SBF2: variants seen among roughly 807,000 people sequenced by gnomAD.
SBF2 encodes the protein SET binding factor 2.
A neutral mutation model predicts 225.2 loss-of-function variants in SBF2; 112 were observed. The ratio of observed to expected loss-of-function variants is 0.50; its 90% CI spans 0.43 to 0.58. SBF2 has a LOEUF of 0.58. Among genes scored for constraint, SBF2 ranks in the 20% least tolerant of loss-of-function variants. The pLI is 0.00. For synonymous variants in SBF2, 763 were observed against 773.3 expected, an observed-to-expected ratio of 0.99 and a Z score of 0.22; for missense variants, 1,996 against 2,206.2, an observed-to-expected ratio of 0.90 and a Z score of 1.91.
rs529784905 is a variant in SBF2, at chr11:9,892,960, T to C, written c.1929+2983A>G. Among the ~76,000 whole-genome samples the C allele has an allele frequency of 7.9e-5, 12 of 152,354 alleles. 1 individual carries two copies. Among genetic ancestry groups the C allele is most frequent in the Admixed American group, 7.8e-4 (12 of 15,300 alleles). The stretch of plus-strand genomic sequence containing the variant: ...TGCAGTATTAGACTATTAATATAAG[T>C]TCCTAGGGACCATGTCAATGTTTTA... On this transcript the variant is annotated intron_variant, in intron 17 of 39. Coordinates refer to ENST00000256190, the MANE Select transcript of SBF2 (RefSeq NM_030962.4).
At chr11:10,164,305 C>T (rs953706359) in intron 2 of SBF2, among the ~76,000 whole-genome samples, 8 of 152,126 alleles carry the variant, frequency 5.3e-5, no homozygotes, top group African/African-American at 1.4e-4. Flanking sequence ...AAATATTTTA[C>T]ATTTCCTCAA....
intron 1 of SBF2, among the ~76,000 whole-genome samples, chr11:10,194,390 C>T (rs954259684): frequency 2.6e-5 from 4 of 152,074 alleles, no homozygotes; most frequent in Non-Finnish European, 5.9e-5. Flanking sequence ...TATGCAAATA[C>T]TACACCATTT....
chr11:9,839,208 C>CAA (rs1855933688), intron 26 of SBF2: 1 of 410,016 alleles, frequency 2.4e-6, no homozygotes, highest in Non-Finnish European at 4.6e-6. Context: ...TCCTGTTCTT[C>CAA]AAGTTATCTT....
chr11:10,177,901 A>G (rs907351385), intron 2 of SBF2, among the ~76,000 whole-genome samples: 3 of 150,050 alleles, frequency 2.0e-5, no homozygotes, highest in African/African-American at 7.4e-5. Flanking sequence ...CCTAAGCCAA[A>G]AGAACAAAGC....
intron 16 of SBF2, among the ~76,000 whole-genome samples, chr11:9,908,452 C>G (rs1168043163): frequency 1.3e-5 from 2 of 150,954 alleles, no homozygotes; most frequent in African/African-American, 2.4e-5. Flanking sequence ...GGTGAAACCC[C>G]GTCTCTACTA....
At chr11:10,301,811 G>A (rs2133654723) in intron 1 of SBF2, among the ~76,000 whole-genome samples, 1 of 152,256 alleles carries the variant, frequency 6.6e-6, no homozygotes, top group Middle Eastern at 3.4e-3. Flanking sequence ...CATTCAATTG[G>A]AATGTGAAGA....
chr11:10,267,119 CATTAA>C (rs1962074806), intron 1 of SBF2, among the ~76,000 whole-genome samples: 1 of 151,978 alleles, frequency 6.6e-6, no homozygotes, highest in African/African-American at 2.4e-5. Context: ...AATTAAATTA[CATTAA>C]ATTAAATTAA....
chr11:9,889,200 G>C (rs912538263), intron 17 of SBF2, among the ~76,000 whole-genome samples: 2 of 152,198 alleles, frequency 1.3e-5, no homozygotes, highest in Non-Finnish European at 2.9e-5. Context: ...GTCACCAACT[G>C]ATTAGGTCAG....
chr11:9,976,445 G>C (rs1036274623), intron 13 of SBF2, among the ~76,000 whole-genome samples: 5 of 152,010 alleles, frequency 3.3e-5, no homozygotes, highest in African/African-American at 1.2e-4. Context: ...AAAACTGTCA[G>C]ACAAAGCCAG....
At chr11:10,122,410 T>C (rs1247338244) in intron 2 of SBF2, among the ~76,000 whole-genome samples, 1 of 152,208 alleles carries the variant, frequency 6.6e-6, no homozygotes, top group Non-Finnish European at 1.5e-5. Context: ...TGGGGACTAA[T>C]ATATATTTAT....
chr11:9,808,713 C>G, intron 31 of SBF2, 188 bp downstream of exon 31: 1 of 519,612 alleles, frequency 1.9e-6, no homozygotes, highest in Admixed American at 3.2e-5. Context: ...AGCCAGAGCT[C>G]CAGGCTGCGT....
intron 2 of SBF2, among the ~76,000 whole-genome samples, chr11:10,158,640 G>A (rs1467667445): frequency 1.3e-5 from 2 of 152,110 alleles, no homozygotes; most frequent in Non-Finnish European, 2.9e-5. Context: ...GGAAATCTGA[G>A]TAGATGAATA....
chr11:10,046,653 T>C (rs1310304441), intron 2 of SBF2, among the ~76,000 whole-genome samples: 1 of 151,744 alleles, frequency 6.6e-6, no homozygotes, highest in African/African-American at 2.4e-5. Flanking sequence ...AAAAAACTCC[T>C]ATGGCTAGTA....
At chr11:10,220,693 C>G (rs547142221) in intron 1 of SBF2, among the ~76,000 whole-genome samples, 62 of 152,264 alleles carry the variant, frequency 4.1e-4, no homozygotes, top group African/African-American at 1.5e-3. Context: ...GTTCAAAGTT[C>G]TTGACATGAG....
At chr11:10,178,609 G>A (rs1328537986) in intron 2 of SBF2, among the ~76,000 whole-genome samples, 3 of 147,022 alleles carry the variant, frequency 2.0e-5, no homozygotes, top group Admixed American at 6.8e-5. Context: ...ACCATCACTG[G>A]CCATCAGAGA....
At chr11:9,792,429 CAAA>C (rs763276221) in intron 33 of SBF2, among the ~76,000 whole-genome samples, 1 of 125,968 alleles carries the variant, frequency 7.9e-6, no homozygotes, top group African/African-American at 2.9e-5. Context: ...GACTCCATCT[CAAA>C]AAAAAAAAAA....
At position 9,789,288 on chromosome 11, in the gene SBF2, C is replaced by T; in HGVS notation, c.4753G>A (p.Glu1585Lys). 6.2e-7 allele frequency: 1 copy of T among 1,614,170 alleles called. No individual in the cohort carries two copies. Among genetic ancestry groups the T allele is most frequent in the Non-Finnish European group, 8.5e-7 (1 of 1,180,032 alleles). ...SSLKKWDYYI[E>K]ETLSTGPSYD... ...GAAGGGCCTGTGGACAGGGTCTCTT[C>T]TATGTAGTAATCCCACTTCTTGAGG... Residue 1585 changes from glutamate (E) to lysine (K), a missense_variant, in exon 35 of 40, where the codon GAA (glutamate) becomes AAA (lysine). Coordinates refer to ENST00000256190, the MANE Select transcript of SBF2 (RefSeq NM_030962.4).
intron 2 of SBF2, among the ~76,000 whole-genome samples, chr11:10,106,802 A>G (rs1455149017): frequency 5.3e-5 from 8 of 152,184 alleles, no homozygotes; most frequent in African/African-American, 1.9e-4. Flanking sequence ...AAATCTCTAA[A>G]CCAAGTAAGA....
intron 2 of SBF2, among the ~76,000 whole-genome samples, chr11:10,109,069 T>C (rs1590974494): frequency 6.6e-6 from 1 of 152,166 alleles, no homozygotes; most frequent in South Asian, 2.1e-4. Context: ...AATTTGGTGA[T>C]GCATTGGAAA....
Sources: allele counts gnomAD v4.1 joint callset (sites outside exome capture counted in the v4.1 genomes callset), GRCh38; gene constraint gnomAD v4.1.1; transcripts MANE v1.5; gene names NCBI Gene and HGNC (gene_info 2026-07-23, HGNC 2026-07-21).